The following CELA3A variants were observed in gnomAD, a reference collection of about 807,000 sequenced individuals.
CELA3A encodes the protein chymotrypsin like elastase 3A, also known as chymotrypsin-like elastase family member 3A.
Under a neutral mutation model 38.6 loss-of-function variants are expected in CELA3A, and 35 were observed. That is an observed-to-expected ratio of 0.91 (90% CI 0.69 to 1.20). The LOEUF (loss-of-function observed/expected upper bound fraction) is 1.20. Among genes scored for constraint, CELA3A ranks in the 50% most tolerant of loss-of-function variants. The pLI, the probability that CELA3A is intolerant of heterozygous loss-of-function variation, is 0.00. For synonymous variants in CELA3A, 143 were observed against 136.7 expected (o/e 1.05, Z -0.32); for missense variants, 343 against 354.2 (o/e 0.97, Z 0.25).
intron 6 of CELA3A, among the ~76,000 whole-genome samples, chr1:22,008,824 C>T (rs1305471898): frequency 1.3e-5 from 2 of 151,988 alleles, no homozygotes; most frequent in Non-Finnish European, 2.9e-5. Flanking sequence ...TAATAATTAA[C>T]TATGGTGCCA....
intron 7 of CELA3A, among the ~76,000 whole-genome samples, chr1:22,012,098 CAT>C (rs1222556738): frequency 1.6e-5 from 2 of 126,900 alleles, no homozygotes; most frequent in Non-Finnish European, 3.2e-5. Flanking sequence ...TATATATACA[CAT>C]ACATACGTAT....
intron 2 of CELA3A, among the ~76,000 whole-genome samples, chr1:22,004,285 C>G (rs201011860): frequency 0.015 from 2,146 of 145,134 alleles, 110 homozygotes; most frequent in East Asian, 0.14. Flanking sequence ...GTTGCCCAGG[C>G]TTGCCTCGAA....
chr1:22,003,956 G>T (rs745873828), intron 2 of CELA3A, among the ~76,000 whole-genome samples: 1 of 150,796 alleles, frequency 6.6e-6, no homozygotes, highest in Non-Finnish European at 1.5e-5. Flanking sequence ...CACCTGCCTC[G>T]GCCTCTCAAA....
chr1:22,008,152 C>CTTTTTTTTTTTTTTT (rs71016968), intron 6 of CELA3A, among the ~76,000 whole-genome samples: 2 of 86,844 alleles, frequency 2.3e-5, no homozygotes, highest in African/African-American at 3.7e-5. Context: ...GACGTTGTCT[C>CTTTTTTTTTTTTTTT]TTTTTTTTTT....
At chr1:22,005,338 T>C (rs574373809) in intron 2 of CELA3A, 109 bp from the exon 3 acceptor site, 95 of 1,362,786 alleles carry the variant, frequency 7.0e-5, no homozygotes, top group Middle Eastern at 5.1e-4. Context: ...TCGTTTTCCA[T>C]GTGAATGGCG....
At chr1:22,003,605 T>C (rs1444819704) in intron 2 of CELA3A, among the ~76,000 whole-genome samples, 5 of 150,532 alleles carry the variant, frequency 3.3e-5, no homozygotes, top group Admixed American at 6.6e-5. Context: ...CCCTTGAACC[T>C]GGGAGTTGGA....
intron 1 of CELA3A, 143 bp from the exon 2 acceptor site, chr1:22,002,860 T>G (rs1644926479): frequency 1.4e-6 from 1 of 707,272 alleles, no homozygotes; most frequent in Non-Finnish European, 2.4e-6. Context: ...ACTGTTCATA[T>G]GTGGTTACTG....
intron 5 of CELA3A, 140 bp downstream of exon 5, chr1:22,007,154 C>T: frequency 7.0e-7 from 1 of 1,421,154 alleles, no homozygotes; most frequent in Non-Finnish European, 9.5e-7. Context: ...CTTCCATCAA[C>T]CTCCAAAACA....
At chr1:22,001,825 G>C (rs1644920362) in intron 1 of CELA3A, 108 bp downstream of exon 1, 1 of 1,491,434 alleles carries the variant, frequency 6.7e-7, no homozygotes, top group East Asian at 2.3e-5. Context: ...GGTTCCACAG[G>C]AGGGGGTCTC....
At position 22,003,048 on chromosome 1, in the gene CELA3A, T is replaced by A; in HGVS notation, c.89T>A (p.Val30Asp). The change falls in exon 2 of 8, where the codon GTC (valine) becomes GAC (aspartate). Residue 30 changes from valine to aspartate, a missense_variant. Val to Asp is a radical substitution (Grantham distance 152, BLOSUM62 -3). Coordinates refer to ENST00000290122, the MANE Select transcript of CELA3A (RefSeq NM_005747.5). ...PPSSHSSSRV[V>D]HGEDAVPYSW... is the part of the protein sequence containing the mutation. Reference sequence around the variant, plus strand: ...TCCTCTCACTCTTCCAGCCGCGTTGTCCATGGTGAGGATGCGGTCCCCTAC... The same window carrying A: ...TCCTCTCACTCTTCCAGCCGCGTTGACCATGGTGAGGATGCGGTCCCCTAC... The A allele has an allele frequency of 6.4e-7, 1 of 1,572,494 alleles. No individual in the cohort carries two copies. The highest frequency in any genetic ancestry group is 8.6e-7 in the Non-Finnish European group (1 of 1,167,490).
chr1:22,007,952 G>T lies in CELA3A; in HGVS notation c.642+437G>T, dbSNP rs1569872472. Among the ~76,000 whole-genome samples the T allele has an allele frequency of 3.3e-5, 5 of 150,824 alleles. 1 individual carries two copies. The East Asian group carries it at 9.8e-4, about 29-fold the overall frequency. On this transcript the variant is annotated intron_variant, in intron 6 of 7. Transcript: ENST00000290122. ...GGATTGCTTGAGGCTAGGAGTTTGA[G>T]ACCAGCCTAGGTAATATAGTGAGAT...
chr1:22,010,385 G>A (rs1391141558), intron 7 of CELA3A, among the ~76,000 whole-genome samples: 3 of 151,252 alleles, frequency 2.0e-5, no homozygotes, highest in African/African-American at 7.3e-5. Context: ...TTGGGAAGCA[G>A]AGGCAGGTGG....
chr1:22,010,300 C>T, intron 7 of CELA3A: 1 of 369,844 alleles, frequency 2.7e-6, no homozygotes, highest in South Asian at 2.0e-5. Flanking sequence ...CTCATGGTAA[C>T]AGTAATAGCT....
At chr1:22,002,223 A>T (rs916691586) in intron 1 of CELA3A, among the ~76,000 whole-genome samples, 5 of 151,054 alleles carry the variant, frequency 3.3e-5, no homozygotes, top group African/African-American at 1.2e-4. Context: ...ATGTTTAGGG[A>T]TTTTCTTATA....
chr1:22,003,691 A>T (rs1644931487), intron 2 of CELA3A, among the ~76,000 whole-genome samples: 1 of 150,696 alleles, frequency 6.6e-6, no homozygotes, highest in Admixed American at 6.6e-5. Flanking sequence ...CAAAAAAAAA[A>T]ATTAAATTAA....
chr1:22,001,846 C>T (rs1398044702), intron 1 of CELA3A, 129 bp downstream of exon 1: 19 of 1,334,176 alleles, frequency 1.4e-5, no homozygotes, highest in East Asian at 1.2e-4. Flanking sequence ...AGCTTGTACC[C>T]GGGGGCATGA....
chr1:22,007,386 C>A lies in CELA3A; in HGVS notation c.513C>A (p.Leu171=). 2 of 1,611,424 alleles carry A rather than the reference C, an allele frequency of 1.2e-6. No individual in the cohort carries two copies. The highest frequency in any genetic ancestry group is 1.1e-5 in the South Asian group (1 of 90,888). The change falls in exon 6 of 8, where the codon CTC becomes CTA. Residue 171 remains leucine (L), a synonymous_variant. Coordinates refer to ENST00000290122, the MANE Select transcript of CELA3A (RefSeq NM_005747.5). ...TTATCCTTGCAGCCAATGGGCCACT[C>A]CCAGACAAGCTGCAGCAGGCCCGGC... is the stretch of plus-strand genomic sequence containing the variant. ...GWGRLYTNGP[L]PDKLQQARLP...
Position 22,011,004 on chromosome 1 carries a change from A to G in CELA3A, c.795+1147A>G, listed in dbSNP as rs1220680164. On this transcript the variant is annotated intron_variant, in intron 7 of 7. Transcript: ENST00000290122. ...ACAGTAGTGCTTGCTTTGGCAGCAC[A>G]TGTACTAAAATTGGAATGATATAGA... 6 of 151,434 alleles carry G rather than the reference A, an allele frequency of 4.0e-5. 1 individual carries two copies. The highest frequency in any genetic ancestry group is 1.5e-4 in the African/African-American group (6 of 41,064). 9.4% of individuals were successfully genotyped at this position (151,434 alleles called of 1,614,324 possible).
chr1:22,004,606 T>A (rs1205858670), intron 2 of CELA3A, among the ~76,000 whole-genome samples: 3 of 152,008 alleles, frequency 2.0e-5, no homozygotes, highest in African/African-American at 7.3e-5. Context: ...CAGAAATGAA[T>A]GTGACTATTT....
Sources: allele counts gnomAD v4.1 joint callset (sites outside exome capture counted in the v4.1 genomes callset), GRCh38; gene constraint gnomAD v4.1.1; transcripts MANE v1.5; gene names NCBI Gene and HGNC (gene_info 2026-07-23, HGNC 2026-07-21).